Variants in MGAT4B observed in about 807,000 individuals in gnomAD.
The protein encoded by MGAT4B is alpha-1,3-mannosyl-glycoprotein 4-beta-N-acetylglucosaminyltransferase B.
MGAT4B carries 38 observed loss-of-function variants against 73.9 expected under a neutral mutation model. The observed-to-expected ratio is 0.51, with a 90% CI of 0.40 to 0.67. MGAT4B has a LOEUF of 0.67. Among genes scored for constraint, MGAT4B ranks in the 30% least tolerant of loss-of-function variants. The probability of loss-of-function intolerance (pLI) is 0.00; values close to 1 mark genes in which losing one functional copy is unlikely to be tolerated. For synonymous variants in MGAT4B, 373 were observed against 313.5 expected, an observed-to-expected ratio of 1.19 and a Z score of -2.01; for missense variants, 686 against 735.2, an observed-to-expected ratio of 0.93 and a Z score of 0.77.
chr5:179,801,811 C>A lies in MGAT4B; in HGVS notation c.256G>T (p.Gly86Cys). ...SERQALRDGDGNRTWGRLTED... is the reference protein window; with the variant it reads ...SERQALRDGDCNRTWGRLTED... ...GTTAGGCGGCCCCAGGTGCGATTGCCGTCTCCGTCTCGCAGCGCCTGCCTT... is the reference window on the plus strand; with the variant it reads ...GTTAGGCGGCCCCAGGTGCGATTGCAGTCTCCGTCTCGCAGCGCCTGCCTT... The change falls in exon 2 of 15, where the codon GGC becomes TGC. Residue 86 changes from glycine to cysteine, a missense_variant. Gly to Cys is a radical substitution (Grantham distance 159). Around this residue, in one of 2 missense-constraint regions of MGAT4B, gnomAD observed 237 missense variants for 198.5 expected, o/e 1.19. Coordinates refer to ENST00000292591, the MANE Select transcript of MGAT4B (RefSeq NM_014275.5). This position sits in a 1 kb window ranked among gnomAD's most constrained non-coding sequence, Gnocchi z 4.8. The A allele has an allele frequency of 1.3e-6, 2 of 1,599,614 alleles. No homozygotes were observed. Among genetic ancestry groups the A allele is most frequent in the Middle Eastern group, 3.3e-4 (2 of 6,030 alleles).
rs1042249469 is a variant in MGAT4B at position 179,798,987 on chromosome 5, G to A, written c.1284C>T (p.Phe428=). 3.9e-5 allele frequency: 63 copies of A among 1,613,698 alleles called. No individual in the cohort carries two copies. The highest frequency in any genetic ancestry group is 8.0e-5 in the African/African-American group (6 of 74,932). The stretch of plus-strand genomic sequence containing the variant: ...GGATGAAGTCCCCCGCGGCAGGGGT[G>A]AAGGCCCAGAAGAAGTCCTCGCGCA... ...AYLREDFFWA[F]TPAAGDFIRF... The change falls in exon 11 of 15, where the codon TTC becomes TTT. Residue 428 remains phenylalanine, a synonymous_variant. Transcript: ENST00000292591.
chr5:179,798,980 C>T lies in MGAT4B; in HGVS notation c.1291G>A (p.Ala431Thr), dbSNP rs1330176400. The T allele has an allele frequency of 6.2e-7, 1 of 1,613,780 alleles. No homozygotes were observed. Among genetic ancestry groups the T allele is most frequent in the Middle Eastern group, 1.6e-4 (1 of 6,062 alleles). The change falls in exon 11 of 15, where the codon GCC (alanine) becomes ACC (threonine). Residue 431 changes from alanine to threonine, a missense_variant. Transcript: ENST00000292591. ...CGGAAGCGGATGAAGTCCCCCGCGG[C>T]AGGGGTGAAGGCCCAGAAGAAGTCC... ...REDFFWAFTP[A>T]AGDFIRFRFF... is the part of the protein sequence containing the mutation.
intron 1 of MGAT4B, chr5:179,802,987 C>T (rs72807341): frequency 0.015 from 14,897 of 985,488 alleles, 145 homozygotes; most frequent in Middle Eastern, 0.023. Context: ...GGTGGCTTCA[C>T]AGACCCCAGA....
At position 179,799,253 on chromosome 5, in the gene MGAT4B, G is replaced by A. The variant is rs761863989; in HGVS notation, c.1099C>T (p.Gln367Ter). 2.5e-6 allele frequency: 4 copies of A among 1,613,906 alleles called. No homozygotes were observed. Among genetic ancestry groups the A allele is most frequent in the African/African-American group, 1.3e-5 (1 of 74,944 alleles). Reference sequence around the variant, plus strand: ...AGCGAGGAGTGAGTGCCCACGTGCTGGAAGAGGGACGGTTTGAAGCGGATC... The same window carrying A: ...AGCGAGGAGTGAGTGCCCACGTGCTAGAAGAGGGACGGTTTGAAGCGGATC... ...LRIRFKPSLF[Q>*]HVGTHSSLAG... Residue 367 changes from glutamine to a stop codon, truncating the protein, a stop_gained, in exon 10 of 15, where the codon CAG becomes TAG. Coordinates refer to ENST00000292591, the MANE Select transcript of MGAT4B (RefSeq NM_014275.5). LOFTEE classifies it high-confidence loss of function.
Position 179,799,280 on chromosome 5 carries a change from G to A in MGAT4B, c.1072C>T (p.Arg358Trp), listed in dbSNP as rs1297647826. The A allele has an allele frequency of 6.2e-6, 10 of 1,613,784 alleles. No homozygotes were observed. The highest frequency in any genetic ancestry group is 8.5e-6 in the Non-Finnish European group (10 of 1,180,032). ...AAGAGGGACGGTTTGAAGCGGATCC[G>A]CAGGTTGGCTTTCTGCCGGTCACAG... ...KHCDRQKANLRIRFKPSLFQH... is the reference protein window; with the variant it reads ...KHCDRQKANLWIRFKPSLFQH... Residue 358 changes from arginine to tryptophan, a missense_variant, in exon 10 of 15, where the codon CGG (arginine) becomes TGG (tryptophan). Arg to Trp is a moderately radical substitution (Grantham distance 101). Around this residue, in one of 2 missense-constraint regions of MGAT4B, gnomAD observed 449 missense variants for 536.8 expected, o/e 0.84. Transcript: ENST00000292591.
chr5:179,802,031 A>C lies in MGAT4B; in HGVS notation c.98-62T>G, dbSNP rs749574762. 8 of 1,612,042 alleles carry C rather than the reference A, an allele frequency of 5.0e-6. No individual in the cohort carries two copies. In the African/African-American group the frequency reaches 1.1e-4, roughly 22 times the overall value. On this transcript the variant is annotated intron_variant, in intron 1 of 14. Transcript: ENST00000292591. ...CTAGAGCCACCCTACGGGCCCCTCC[A>C]GTGTGCCAGCGCACACATCTGGGTG...
chr5:179,805,004 C>G (rs562229809), intron 1 of MGAT4B: 1 of 152,354 alleles, frequency 6.6e-6, no homozygotes, highest in South Asian at 2.1e-4. Context: ...TGCTCCCCTT[C>G]TTTGCTCTCC....
At chr5:179,802,538 G>A (rs978999896) in intron 1 of MGAT4B, 34 of 1,001,478 alleles carry the variant, frequency 3.4e-5, no homozygotes, top group Admixed American at 1.0e-4. Flanking sequence ...TTGAGAAACC[G>A]GCCCTGGGGC....
chr5:179,805,507 AG>A (rs1257101357), intron 1 of MGAT4B: 4 of 152,458 alleles, frequency 2.6e-5, no homozygotes, highest in Non-Finnish European at 5.9e-5. Flanking sequence ...AGGCCAGCCC[AG>A]GCCTCTGCTC....
Position 179,801,445 on chromosome 5 carries a change from C to A in MGAT4B, c.447G>T (p.Pro149=). The A allele has an allele frequency of 6.2e-7, 1 of 1,608,536 alleles. No individual in the cohort carries two copies. Among genetic ancestry groups the A allele is most frequent in the Non-Finnish European group, 8.5e-7 (1 of 1,176,548 alleles). The part of the protein sequence containing the change: ...RTGVSVVMGI[P]SVRREVHSYL... ...ACGAGTGCACCTCGCGCCGCACGCTCGGGATGCCCATCACCACCGACACTA... is the reference window on the plus strand; with the variant it reads ...ACGAGTGCACCTCGCGCCGCACGCTAGGGATGCCCATCACCACCGACACTA... Residue 149 remains proline (P), a synonymous_variant, in exon 4 of 15, where the codon CCG becomes CCT. Transcript: ENST00000292591. This position sits in a 1 kb window ranked among gnomAD's most constrained non-coding sequence, Gnocchi z 4.8.
chr5:179,805,563 G>A (rs1054002177), intron 1 of MGAT4B, among the ~76,000 whole-genome samples: 1 of 152,230 alleles, frequency 6.6e-6, no homozygotes. Context: ...AGAGCTCGGC[G>A]TGGGTAGATG....
At chr5:179,799,780 G>A in intron 8 of MGAT4B, 144 bp from the exon 9 acceptor site, 1 of 1,317,998 alleles carries the variant, frequency 7.6e-7, no homozygotes. Flanking sequence ...CAGGTGATGA[G>A]GGCAGACATG....
chr5:179,801,147 G>T lies in MGAT4B; in HGVS notation c.558+187C>A. ...CTCGCATGGCCAAGGACTAGGGGGT[G>T]GCGGGGGCGATGGGTAGGGGTAGAG... is the stretch of plus-strand genomic sequence containing the variant. On this transcript the variant is annotated intron_variant, in intron 4 of 14. Transcript: ENST00000292591. This position sits in a 1 kb window ranked among gnomAD's most constrained non-coding sequence, Gnocchi z 4.8. 8.7e-7 allele frequency: 1 copy of T among 1,151,630 alleles called. No individual in the cohort carries two copies. Among genetic ancestry groups the T allele is most frequent in the Non-Finnish European group, 1.2e-6 (1 of 827,780 alleles). The allele number at this position is 1,151,630 out of a possible 1,614,324, so 71.3% of individuals were successfully genotyped here. A position where few individuals can be genotyped will look rare whatever the true frequency, so the allele number is the denominator to read the frequency against.
chr5:179,805,737 A>T (rs1757121713), intron 1 of MGAT4B, among the ~76,000 whole-genome samples: 1 of 152,000 alleles, frequency 6.6e-6, no homozygotes, highest in Non-Finnish European at 1.5e-5. Flanking sequence ...GCAGGAGGCC[A>T]CTCTCCCGGA....
chr5:179,805,834 G>C (rs975703155), intron 1 of MGAT4B, among the ~76,000 whole-genome samples: 1 of 152,180 alleles, frequency 6.6e-6, no homozygotes, highest in African/African-American at 2.4e-5. Flanking sequence ...GGGCGGCGCG[G>C]GGGGATCGGC....
Position 179,801,811 on chromosome 5 carries a change from C to T in MGAT4B, c.256G>A (p.Gly86Ser), listed in dbSNP as rs1045942448. 6 of 1,599,494 alleles carry T rather than the reference C, an allele frequency of 3.8e-6. No homozygotes were observed. The African/African-American group carries it at 5.4e-5, about 14-fold the overall frequency. The change falls in exon 2 of 15, where the codon GGC (glycine) becomes AGC (serine). Residue 86 changes from glycine to serine, a missense_variant. By Grantham distance (56) the Gly-to-Ser change is moderately conservative. Coordinates refer to ENST00000292591, the MANE Select transcript of MGAT4B (RefSeq NM_014275.5). The surrounding 1 kb of genome is among the most constrained non-coding windows in gnomAD (Gnocchi z 4.8). ...GTTAGGCGGCCCCAGGTGCGATTGCCGTCTCCGTCTCGCAGCGCCTGCCTT... is the reference window on the plus strand; with the variant it reads ...GTTAGGCGGCCCCAGGTGCGATTGCTGTCTCCGTCTCGCAGCGCCTGCCTT... The part of the protein sequence containing the change: ...SERQALRDGD[G>S]NRTWGRLTED...
chr5:179,801,425 T>A lies in MGAT4B; in HGVS notation c.467A>T (p.His156Leu), dbSNP rs1284937605. ...MGIPSVRREVHSYLTDTLHSL... is the reference protein window; with the variant it reads ...MGIPSVRREVLSYLTDTLHSL... ...GTGCAGAGTGTCAGTCAGGTACGAG[T>A]GCACCTCGCGCCGCACGCTCGGGAT... is the stretch of plus-strand genomic sequence containing the variant. The change falls in exon 4 of 15, where the codon CAC becomes CTC. Residue 156 changes from histidine (H) to leucine (L), a missense_variant. By Grantham distance (99) the His-to-Leu change is moderately conservative. Transcript: ENST00000292591. This position sits in a 1 kb window ranked among gnomAD's most constrained non-coding sequence, Gnocchi z 4.8. 6.2e-7 allele frequency: 1 copy of A among 1,611,538 alleles called. No individual in the cohort carries two copies. The highest frequency in any genetic ancestry group is 8.5e-7 in the Non-Finnish European group (1 of 1,178,932).
rs1356631950 is a variant in MGAT4B, at chr5:179,806,636, G to A, written c.-53C>T. 1.2e-5 allele frequency: 12 copies of A among 1,015,296 alleles called. No homozygotes were observed. In the Admixed American group the frequency reaches 2.1e-4, roughly 17 times the overall value. 62.9% of individuals were successfully genotyped at this position (1,015,296 alleles called of 1,614,324 possible). On this transcript the variant is annotated 5_prime_UTR_variant, in exon 1 of 15. Coordinates refer to ENST00000292591, the MANE Select transcript of MGAT4B (RefSeq NM_014275.5). The surrounding 1 kb of genome is among the most constrained non-coding windows in gnomAD (Gnocchi z 4.6). ...GGGGCCGAGGCTGCATGGCCCGGGGGACCGGGGCCGGGGCGCAGGGGTCGG... is the reference window on the plus strand; with the variant it reads ...GGGGCCGAGGCTGCATGGCCCGGGGAACCGGGGCCGGGGCGCAGGGGTCGG...
intron 1 of MGAT4B, chr5:179,802,467 G>T (rs977572079): frequency 3.8e-6 from 4 of 1,041,480 alleles, no homozygotes; most frequent in Non-Finnish European, 3.5e-6. Flanking sequence ...ATGGCCCCGG[G>T]GGGTGGCTGC....
Sources: allele counts gnomAD v4.1 joint callset (sites outside exome capture counted in the v4.1 genomes callset), GRCh38; gene constraint gnomAD v4.1.1; regional missense constraint gnomAD v4.1.1; non-coding constraint Gnocchi (gnomAD v3.1); transcripts MANE v1.5; gene names NCBI Gene and HGNC (gene_info 2026-07-23, HGNC 2026-07-21).